Variants in CHLSN observed in about 807,000 individuals in gnomAD.
CHLSN encodes protein cholesin.
the CHLSN span, among the ~76,000 whole-genome samples, chr7:1,065,905 G>C: frequency 6.6e-6 from 1 of 152,214 alleles, no homozygotes; most frequent in East Asian, 1.9e-4. Flanking sequence ...CGCGGTTTCC[G>C]GCCTCAAGGG....
At chr7:1,081,547 C>T in the CHLSN span, among the ~76,000 whole-genome samples, 2 of 152,232 alleles carry the variant, frequency 1.3e-5, no homozygotes, top group Non-Finnish European at 2.9e-5. Flanking sequence ...TGCTGGCATC[C>T]GCCACGCGGA....
chr7:1,102,731 C>T, the CHLSN span, among the ~76,000 whole-genome samples: 2 of 152,210 alleles, frequency 1.3e-5, no homozygotes, highest in East Asian at 1.9e-4. Context: ...GTGGGCCGCC[C>T]GCAGGCACGG....
chr7:1,134,187 C>T, the CHLSN span, among the ~76,000 whole-genome samples: 18 of 151,774 alleles, frequency 1.2e-4, no homozygotes, highest in Non-Finnish European at 2.6e-4. Context: ...GCAGGAGAAT[C>T]ACTTGAGCCT....
At chr7:1,134,738 G>T in the CHLSN span, among the ~76,000 whole-genome samples, 1 of 151,626 alleles carries the variant, frequency 6.6e-6, no homozygotes, top group Admixed American at 6.6e-5. Context: ...GCATAGTGGC[G>T]GGTGCCTGTA....
the CHLSN span, among the ~76,000 whole-genome samples, chr7:981,293 T>A: frequency 1.5e-5 from 2 of 137,306 alleles, no homozygotes; most frequent in African/African-American, 5.6e-5. Context: ...TGAGACTCCA[T>A]CTCAAAAAAA....
the CHLSN span, among the ~76,000 whole-genome samples, chr7:1,036,559 G>A: frequency 1.4e-4 from 21 of 152,150 alleles, no homozygotes; most frequent in Admixed American, 2.6e-4. Context: ...ACTATTCAGG[G>A]TGCAGGGTGT....
chr7:1,023,624 AACACACACACACACACACACACACAC>A, the CHLSN span, among the ~76,000 whole-genome samples: 26 of 122,384 alleles, frequency 2.1e-4, no homozygotes, highest in Admixed American at 1.1e-3. This position sits in a 1 kb window ranked among gnomAD's most constrained non-coding sequence, Gnocchi z 5.0. Flanking sequence ...CCTCCCAGGA[AACACACACACACACACACACACACAC>A]ACACACACAC....
At chr7:1,053,687 T>C in the CHLSN span, among the ~76,000 whole-genome samples, 192 of 152,094 alleles carry the variant, frequency 1.3e-3, 2 homozygotes, top group African/African-American at 4.1e-3. Context: ...ATTAGCTGGG[T>C]GTGGTGGCAG....
chr7:1,136,519 AATAT>A, the CHLSN span, among the ~76,000 whole-genome samples: 4 of 99,622 alleles, frequency 4.0e-5, no homozygotes, highest in East Asian at 7.1e-4. Context: ...AACATATATA[AATAT>A]ATATAAACAT....
chr7:1,023,288 G>A, the CHLSN span, among the ~76,000 whole-genome samples: 1,373 of 152,292 alleles, frequency 9.0e-3, 20 homozygotes, highest in African/African-American at 0.031. This position sits in a 1 kb window ranked among gnomAD's most constrained non-coding sequence, Gnocchi z 5.0. Context: ...CAGATGGCAC[G>A]GGGAGCGCCC....
chr7:1,051,109 G>A, the CHLSN span, among the ~76,000 whole-genome samples: 8 of 152,246 alleles, frequency 5.3e-5, no homozygotes, highest in Non-Finnish European at 1.0e-4. Flanking sequence ...CGGACTTCTC[G>A]GAGGCTTCAT....
At chr7:1,014,869 G>C in the CHLSN span, among the ~76,000 whole-genome samples, 1 of 152,230 alleles carries the variant, frequency 6.6e-6, no homozygotes, top group Non-Finnish European at 1.5e-5. Context: ...TCTCAGATCC[G>C]AGCACCAATT....
chr7:1,036,241 C>T, the CHLSN span, among the ~76,000 whole-genome samples: 2 of 152,164 alleles, frequency 1.3e-5, no homozygotes, highest in African/African-American at 4.8e-5. Context: ...CCAAGAGGGG[C>T]CCCCCATAAG....
chr7:1,012,018 A>T, the CHLSN span, among the ~76,000 whole-genome samples: 2 of 152,170 alleles, frequency 1.3e-5, no homozygotes, highest in African/African-American at 4.8e-5. Flanking sequence ...ACCGGCTCCA[A>T]CCAGCTCCAT....
At chr7:1,080,479 G>C in the CHLSN span, among the ~76,000 whole-genome samples, 2 of 152,224 alleles carry the variant, frequency 1.3e-5, no homozygotes, top group Non-Finnish European at 2.9e-5. Context: ...GGTCCGGGGA[G>C]TCTGATCACG....
chr7:982,490 G>A, the CHLSN span, among the ~76,000 whole-genome samples: 9 of 152,222 alleles, frequency 5.9e-5, no homozygotes, highest in South Asian at 2.1e-4. Flanking sequence ...GACAGGGCTC[G>A]TAAACCCCGC....
the CHLSN span, among the ~76,000 whole-genome samples, chr7:996,234 GT>G: frequency 1.3e-5 from 2 of 152,170 alleles, no homozygotes. Context: ...CCCGGAGCCT[GT>G]GACTCTGCTC....
the CHLSN span, among the ~76,000 whole-genome samples, chr7:1,032,820 C>T: frequency 1.3e-5 from 2 of 152,364 alleles, no homozygotes. Flanking sequence ...AAGCACGATG[C>T]TAGGGTACTG....
At chr7:1,021,393 C>T in the CHLSN span, 2 of 985,346 alleles carry the variant, frequency 2.0e-6, no homozygotes, top group Non-Finnish European at 2.4e-6. Context: ...ATTTCAGTGA[C>T]TGAACCAGAG....
Sources: gnomAD v4.1 joint callset for allele counts (sites outside exome capture counted in the v4.1 genomes callset) on GRCh38, gnomAD v4.1.1 for gene constraint, Gnocchi (gnomAD v3.1) non-coding constraint, MANE v1.5 for transcripts, NCBI Gene and HGNC (gene_info 2026-07-23, HGNC 2026-07-21) for gene names.